Variants in LRRC20 observed in about 807,000 individuals in gnomAD.
The protein encoded by LRRC20 is leucine rich repeat containing 20.
A neutral mutation model predicts 14.4 loss-of-function variants in LRRC20; 11 were observed. The ratio of observed to expected loss-of-function variants is 0.77; its 90% CI spans 0.48 to 1.27. The LOEUF (loss-of-function observed/expected upper bound fraction) is 1.27. Among genes scored for constraint, LRRC20 ranks in the 50% most tolerant of loss-of-function variants. The probability of loss-of-function intolerance (pLI) is 0.00; values close to 1 mark genes in which losing one functional copy is unlikely to be tolerated. For missense variants in LRRC20, 219 were observed against 251.2 expected (o/e 0.87, Z 0.87); for synonymous variants, 121 against 107.3 (o/e 1.13, Z -0.79).
intron 4 of LRRC20, among the ~76,000 whole-genome samples, chr10:70,304,885 G>C (rs933983878): frequency 2.0e-5 from 3 of 152,150 alleles, no homozygotes; most frequent in Admixed American, 2.0e-4. Flanking sequence ...GGATTATTCA[G>C]CCTTAAAAAG....
At chr10:70,336,604 T>C (rs1842732575) in intron 3 of LRRC20, among the ~76,000 whole-genome samples, 1 of 152,202 alleles carries the variant, frequency 6.6e-6, no homozygotes, top group Non-Finnish European at 1.5e-5. Flanking sequence ...CAGAGGATGC[T>C]CCGCCTCTAG....
chr10:70,331,151 A>G (rs552731170), intron 3 of LRRC20, among the ~76,000 whole-genome samples: 1 of 152,354 alleles, frequency 6.6e-6, no homozygotes, highest in African/African-American at 2.4e-5. Flanking sequence ...CTACTTGGCC[A>G]GAGACCTCTC....
At position 70,382,554 on chromosome 10, in the gene LRRC20, C is replaced by T. The variant is rs1009384159; in HGVS notation, c.-69G>A. 1 of 152,278 alleles carries T rather than the reference C, an allele frequency of 6.6e-6. No homozygotes were observed. The highest frequency in any genetic ancestry group is 2.4e-5 in the African/African-American group (1 of 41,552). The allele number at this position is 152,278 out of a possible 1,614,324, so 9.4% of individuals were successfully genotyped here. A position where few individuals can be genotyped will look rare whatever the true frequency, so the allele number is the denominator to read the frequency against. On this transcript the variant is annotated 5_prime_UTR_variant, in exon 1 of 5. Transcript: ENST00000446961. Reference sequence around the variant, plus strand: ...CCGCTTTTGGCTCCACTTACGGCGACAATGCCTCCTAGCGCCCTGCGCAGC... The same window carrying T: ...CCGCTTTTGGCTCCACTTACGGCGATAATGCCTCCTAGCGCCCTGCGCAGC...
intron 3 of LRRC20, among the ~76,000 whole-genome samples, chr10:70,325,546 C>T (rs767977840): frequency 1.3e-5 from 2 of 152,220 alleles, no homozygotes; most frequent in East Asian, 3.9e-4. Context: ...CTTACCCACC[C>T]CTGAGCTAGG....
chr10:70,332,007 C>CTA (rs1842555947), intron 3 of LRRC20, among the ~76,000 whole-genome samples: 1 of 152,188 alleles, frequency 6.6e-6, no homozygotes, highest in Non-Finnish European at 1.5e-5. Context: ...AATTATACAA[C>CTA]CCATGCTCGA....
At chr10:70,329,380 G>T (rs1220327681) in intron 3 of LRRC20, among the ~76,000 whole-genome samples, 3 of 152,142 alleles carry the variant, frequency 2.0e-5, no homozygotes, top group Non-Finnish European at 4.4e-5. Context: ...GGACATCCTT[G>T]CCTTGTTCCC....
At chr10:70,354,199 G>C (rs1049821269) in intron 2 of LRRC20, among the ~76,000 whole-genome samples, 1 of 152,086 alleles carries the variant, frequency 6.6e-6, no homozygotes, top group Non-Finnish European at 1.5e-5. Flanking sequence ...TTAATTAGTG[G>C]GGGCTGGGGC....
chr10:70,366,700 G>GGCTC (rs1403054642), intron 2 of LRRC20, among the ~76,000 whole-genome samples: 1 of 152,046 alleles, frequency 6.6e-6, no homozygotes, highest in African/African-American at 2.4e-5. Flanking sequence ...ATATAGAGTT[G>GGCTC]GCTCTCTATA....
intron 1 of LRRC20, among the ~76,000 whole-genome samples, chr10:70,379,876 A>T (rs1431303935): frequency 1.3e-5 from 2 of 152,190 alleles, no homozygotes; most frequent in Admixed American, 6.5e-5. Flanking sequence ...ATTCCACCTC[A>T]CATCATCAGG....
At chr10:70,333,779 C>A (rs1842623074) in intron 3 of LRRC20, among the ~76,000 whole-genome samples, 1 of 152,208 alleles carries the variant, frequency 6.6e-6, no homozygotes, top group South Asian at 2.1e-4. Context: ...GGGGTCTGCC[C>A]CTTGTGCATA....
intron 4 of LRRC20, among the ~76,000 whole-genome samples, chr10:70,304,348 G>A (rs1323215118): frequency 6.6e-6 from 1 of 151,750 alleles, no homozygotes; most frequent in Non-Finnish European, 1.5e-5. Flanking sequence ...ATTGCCCACG[G>A]TTGGGGGCTT....
Position 70,301,468 on chromosome 10 carries a change from G to A in LRRC20, c.441C>T (p.Arg147=). The part of the protein sequence containing the change: ...VEKLAAMPAL[R]SINLRFNPLN... ...GTGGGTTGAAGCGGAGGTTGATGCTGCGCAAGGCTGGCATGGCGGCCAGCT... is the reference window on the plus strand; with the variant it reads ...GTGGGTTGAAGCGGAGGTTGATGCTACGCAAGGCTGGCATGGCGGCCAGCT... The change falls in exon 5 of 5, where the codon CGC becomes CGT. Residue 147 remains arginine, a synonymous_variant. Coordinates refer to ENST00000446961, the MANE Select transcript of LRRC20 (RefSeq NM_001278212.2). 1.9e-6 allele frequency: 3 copies of A among 1,614,080 alleles called. No homozygotes were observed. Among genetic ancestry groups the A allele is most frequent in the Non-Finnish European group, 2.5e-6 (3 of 1,180,024 alleles).
At chr10:70,337,298 G>T (rs1298592861) in intron 3 of LRRC20, among the ~76,000 whole-genome samples, 2 of 152,206 alleles carry the variant, frequency 1.3e-5, no homozygotes, top group Non-Finnish European at 2.9e-5. Context: ...CCACAACAAA[G>T]GCTCAGGCCC....
At chr10:70,324,198 A>G (rs1484847797) in intron 3 of LRRC20, among the ~76,000 whole-genome samples, 168 bp from the exon 4 acceptor site, 6 of 152,258 alleles carry the variant, frequency 3.9e-5, no homozygotes, top group African/African-American at 1.4e-4. Context: ...TATTTGTGCT[A>G]GAGGAGGGGT....
intron 4 of LRRC20, among the ~76,000 whole-genome samples, chr10:70,309,254 T>C (rs1841547108): frequency 2.0e-5 from 3 of 152,178 alleles, no homozygotes; most frequent in African/African-American, 7.2e-5. Context: ...GTAGCACCTT[T>C]GTCTAAATGG....
intron 2 of LRRC20, among the ~76,000 whole-genome samples, chr10:70,367,918 T>C (rs1471193315): frequency 1.1e-5 from 1 of 90,244 alleles, no homozygotes; most frequent in Non-Finnish European, 2.5e-5. Context: ...CCCTCACAGA[T>C]TCTATTTTCA....
intron 4 of LRRC20, among the ~76,000 whole-genome samples, chr10:70,323,447 A>G (rs747240285): frequency 6.6e-6 from 1 of 152,136 alleles, no homozygotes; most frequent in Non-Finnish European, 1.5e-5. Context: ...TGTGCTGAAC[A>G]TGGCTGTCTA....
intron 3 of LRRC20, among the ~76,000 whole-genome samples, chr10:70,333,480 G>C (rs1564625056): frequency 1.3e-5 from 2 of 152,184 alleles, no homozygotes; most frequent in Non-Finnish European, 2.9e-5. Flanking sequence ...GCTATATGTA[G>C]TAGAGCCTCA....
chr10:70,352,291 C>G (rs1314535643), intron 2 of LRRC20, among the ~76,000 whole-genome samples: 1 of 151,848 alleles, frequency 6.6e-6, no homozygotes, highest in East Asian at 1.9e-4. Context: ...AGAATTTTGG[C>G]CTTGGTGTTT....
Sources: gnomAD v4.1 joint callset for allele counts (sites outside exome capture counted in the v4.1 genomes callset) on GRCh38, gnomAD v4.1.1 for gene constraint, MANE v1.5 for transcripts, NCBI Gene and HGNC (gene_info 2026-07-23, HGNC 2026-07-21) for gene names.